RECK: variants seen among roughly 807,000 people sequenced by gnomAD.
RECK encodes reversion inducing cysteine rich protein with kazal motifs.
In RECK, 69 loss-of-function variants were observed where a neutral mutation model predicts 115.1. The observed-to-expected ratio is 0.60, with a 90% CI of 0.49 to 0.73. The LOEUF (loss-of-function observed/expected upper bound fraction) is 0.73, where lower values mean the gene tolerates loss of function less well. Ranked by LOEUF, RECK falls within the 30% of genes least tolerant of loss-of-function variation. The pLI, the probability that RECK is intolerant of heterozygous loss-of-function variation, is 0.00. For synonymous variants in RECK, 414 were observed against 419.7 expected (o/e 0.99, Z 0.17); for missense variants, 1,047 against 1,203.7 (o/e 0.87, Z 1.93).
intron 11 of RECK, among the ~76,000 whole-genome samples, chr9:36,100,845 T>C (rs1212783154): frequency 1.3e-5 from 2 of 152,244 alleles, no homozygotes; most frequent in Non-Finnish European, 1.5e-5. Flanking sequence ...ACTTCTCTTA[T>C]GGAACTTAGT....
At position 36,111,170 on chromosome 9, in the gene RECK, G is replaced by A. The variant is rs184501352; in HGVS notation, c.1888+1091G>A. ...AGACCCCTGTTTCCTATAGTGTGTG[G>A]CCCCTGGTGTCCTGGGATAAATTAA... On this transcript the variant is annotated intron_variant, in intron 15 of 20. Coordinates refer to ENST00000377966, the MANE Select transcript of RECK (RefSeq NM_021111.3). Among the ~76,000 whole-genome samples, 3 of 152,280 alleles carry A rather than the reference G, an allele frequency of 2.0e-5. No homozygotes were observed. The East Asian group carries it at 5.8e-4, about 29-fold the overall frequency.
At position 36,121,678 on chromosome 9, in the gene RECK, A is replaced by G; in HGVS notation, c.2684A>G (p.Lys895Arg). The G allele has an allele frequency of 6.2e-7, 1 of 1,614,090 alleles. No homozygotes were observed. The highest frequency in any genetic ancestry group is 8.5e-7 in the Non-Finnish European group (1 of 1,179,992). ...ATCATTCCCGTCGATCACTATCCAA[A>G]AGCTCTGCAGGTGAGTTCAGCACAT... ...ILIIPVDHYP[K>R]ALQIEACNKE... The change falls in exon 20 of 21, where the codon AAA becomes AGA. Residue 895 changes from lysine (K) to arginine (R), a missense_variant. Transcript: ENST00000377966.
At chr9:36,064,216 A>G (rs572150463) in intron 5 of RECK, among the ~76,000 whole-genome samples, 1 of 152,182 alleles carries the variant, frequency 6.6e-6, no homozygotes, top group Non-Finnish European at 1.5e-5. Context: ...CTATGCTTGG[A>G]TGAGAACATT....
chr9:36,044,443 C>T (rs1476871477), intron 1 of RECK, among the ~76,000 whole-genome samples: 1 of 152,154 alleles, frequency 6.6e-6, no homozygotes, highest in African/African-American at 2.4e-5. Flanking sequence ...TTGACTTCCT[C>T]TTTACCAATT....
In RECK at chr9:36,112,481, G is replaced by A; in HGVS notation, c.2060+5G>A. ...TCCCTGCCAAAAAAACCAAAGGTAA[G>A]TCAAATGGCTTCTTATTTTATTCAA... On this transcript the variant is annotated splice_donor_5th_base_variant and intron_variant, in intron 16 of 20. Coordinates refer to ENST00000377966, the MANE Select transcript of RECK (RefSeq NM_021111.3). 6.2e-7 allele frequency: 1 copy of A among 1,613,706 alleles called. No individual in the cohort carries two copies. Among genetic ancestry groups the A allele is most frequent in the Non-Finnish European group, 8.5e-7 (1 of 1,179,848 alleles).
intron 1 of RECK, among the ~76,000 whole-genome samples, chr9:36,051,349 A>T (rs774249839): frequency 1.3e-5 from 2 of 152,198 alleles, no homozygotes; most frequent in Non-Finnish European, 2.9e-5. Context: ...GGAACCTTGC[A>T]TCTTTGTATA....
chr9:36,081,125 G>A (rs1822670153), intron 7 of RECK, among the ~76,000 whole-genome samples: 1 of 152,160 alleles, frequency 6.6e-6, no homozygotes, highest in African/African-American at 2.4e-5. Flanking sequence ...CTGATCCCGG[G>A]CATGAAGGAT....
intron 1 of RECK, among the ~76,000 whole-genome samples, chr9:36,043,697 G>A (rs1820972388): frequency 1.3e-5 from 2 of 152,082 alleles, no homozygotes; most frequent in Admixed American, 6.5e-5. Flanking sequence ...ATTTTTGTAT[G>A]ACGTGAGAGA....
At position 36,121,662 on chromosome 9, in the gene RECK, G is replaced by A. The variant is rs968106629; in HGVS notation, c.2668G>A (p.Val890Ile). The A allele has an allele frequency of 1.7e-5, 27 of 1,613,920 alleles. No individual in the cohort carries two copies. The highest frequency in any genetic ancestry group is 6.7e-5 in the East Asian group (3 of 44,894). ...ESEIVILIIP[V>I]DHYPKALQIE... ...AGAAATTGTGATCCTGATCATTCCC[G>A]TCGATCACTATCCAAAAGCTCTGCA... The change falls in exon 20 of 21, where the codon GTC (valine) becomes ATC (isoleucine). Residue 890 changes from valine to isoleucine, a missense_variant. Coordinates refer to ENST00000377966, the MANE Select transcript of RECK (RefSeq NM_021111.3).
intron 16 of RECK, among the ~76,000 whole-genome samples, chr9:36,115,327 T>C (rs1446709606): frequency 6.6e-6 from 1 of 150,422 alleles, no homozygotes; most frequent in Non-Finnish European, 1.5e-5. Flanking sequence ...ATAATAATAA[T>C]AATAATAATA....
At chr9:36,062,637 C>A (rs1821823146) in intron 4 of RECK, among the ~76,000 whole-genome samples, 1 of 151,968 alleles carries the variant, frequency 6.6e-6, no homozygotes, top group Non-Finnish European at 1.5e-5. Flanking sequence ...GCCACCATGC[C>A]CAGCTAATTT....
intron 6 of RECK, among the ~76,000 whole-genome samples, chr9:36,079,621 T>C (rs558263279): frequency 6.6e-6 from 1 of 152,216 alleles, no homozygotes; most frequent in African/African-American, 2.4e-5. Flanking sequence ...AGCTGATCCT[T>C]TAACAAATCC....
chr9:36,083,997 C>A (rs1822837229), intron 8 of RECK, among the ~76,000 whole-genome samples: 1 of 151,920 alleles, frequency 6.6e-6, no homozygotes, highest in South Asian at 2.1e-4. Flanking sequence ...GACAAACAAC[C>A]CAAACATCCA....
At chr9:36,078,027 A>T (rs56391607) in intron 6 of RECK, among the ~76,000 whole-genome samples, 6,394 of 152,128 alleles carry the variant, frequency 0.042, 345 homozygotes, top group African/African-American at 0.13. Context: ...CTTAAAAAAA[A>T]TTTTTTAATT....
intron 8 of RECK, among the ~76,000 whole-genome samples, chr9:36,086,692 C>G (rs559466345): frequency 1.3e-5 from 2 of 152,290 alleles, no homozygotes; most frequent in Non-Finnish European, 2.9e-5. Flanking sequence ...GTGCTGATTG[C>G]TACCTTTACA....
intron 20 of RECK, 65 bp downstream of exon 20, chr9:36,121,753 T>G: frequency 6.5e-7 from 1 of 1,544,402 alleles, no homozygotes; most frequent in Non-Finnish European, 8.9e-7. Context: ...TAGGAGGGAG[T>G]GGGCACAAAC....
intron 1 of RECK, among the ~76,000 whole-genome samples, chr9:36,051,597 G>A (rs988981278): frequency 1.3e-5 from 2 of 152,074 alleles, no homozygotes; most frequent in African/African-American, 4.8e-5. Flanking sequence ...CCACTCTCAC[G>A]GTTAACCTGC....
At chr9:36,072,499 G>A (rs1403627321) in intron 6 of RECK, among the ~76,000 whole-genome samples, 1 of 152,108 alleles carries the variant, frequency 6.6e-6, no homozygotes, top group African/African-American at 2.4e-5. Flanking sequence ...CAGCTTTTAG[G>A]GATTTTAACA....
chr9:36,044,139 T>A (rs572202541), intron 1 of RECK, among the ~76,000 whole-genome samples: 116 of 152,320 alleles, frequency 7.6e-4, no homozygotes, highest in African/African-American at 2.5e-3. Flanking sequence ...TGTCTGTAAT[T>A]TCCTTCAGCA....
Sources: gnomAD v4.1 joint callset for allele counts (sites outside exome capture counted in the v4.1 genomes callset) on GRCh38, gnomAD v4.1.1 for gene constraint, MANE v1.5 for transcripts, NCBI Gene and HGNC (gene_info 2026-07-23, HGNC 2026-07-21) for gene names.